Variants in RAI2 observed in about 807,000 individuals in gnomAD.
RAI2 encodes the protein retinoic acid-induced protein 2.
RAI2 carries 5 observed loss-of-function variants against 15.3 expected under a neutral mutation model. The ratio of observed to expected loss-of-function variants is 0.33; its 90% CI spans 0.17 to 0.69. RAI2 has a LOEUF of 0.69. Ranked by LOEUF, RAI2 falls within the 30% of genes least tolerant of loss-of-function variation. The pLI, the probability that RAI2 is intolerant of heterozygous loss-of-function variation, is 0.69. For missense variants in RAI2, 424 were observed against 424.7 expected (o/e 1.00, Z 0.01); for synonymous variants, 191 against 184.0 (o/e 1.04, Z -0.31).
chrX:17,800,532 G>C lies in RAI2; in HGVS notation c.1479C>G (p.Pro493=). Residue 493 remains proline (P), a synonymous_variant, in exon 2 of 2, where the codon CCC becomes CCG. Coordinates refer to ENST00000451717, the MANE Select transcript of RAI2 (RefSeq NM_021785.6). ...TCCGGTTTTTGATGGGTTTCCTAAG[G>C]GGCTCTGCATTTCCCATGGACTCTT... ...QGEESMGNAE[P]LRKPIKNRSI... is the part of the protein sequence containing the mutation. 8.3e-7 allele frequency: 1 copy of C among 1,210,902 alleles called. No homozygotes were observed. Among genetic ancestry groups the C allele is most frequent in the Non-Finnish European group, 1.1e-6 (1 of 894,906 alleles).
At chrX:17,848,101 G>GT (rs1349524946) in intron 1 of RAI2, among the ~76,000 whole-genome samples, 1 of 111,710 alleles carries the variant, frequency 9.0e-6, no homozygotes, top group Admixed American at 9.5e-5. Context: ...AAACTTGTGT[G>GT]TTAGCACTTT....
At chrX:17,807,943 C>T (rs992967342) in intron 1 of RAI2, among the ~76,000 whole-genome samples, 10 of 111,951 alleles carry the variant, frequency 8.9e-5, no homozygotes, top group Admixed American at 1.9e-4. Context: ...AGCATGGAGA[C>T]GGCTATCAAT....
chrX:17,831,143 C>T (rs1255810208), intron 1 of RAI2, among the ~76,000 whole-genome samples: 1 of 111,788 alleles, frequency 8.9e-6, no homozygotes, highest in Non-Finnish European at 1.9e-5. Flanking sequence ...GTCTCTGATA[C>T]TGGAATAAAT....
In RAI2 at chrX:17,818,504, A is replaced by ATG. The variant is rs750034100; in HGVS notation, c.-24-16472_-24-16471dup. ...CTCAAGAGCACCAGGAATGCTAGAA[A>ATG]TGTGTGTTTTTTTTTTAAGTGGTGA... On this transcript the variant is annotated intron_variant, in intron 1 of 1. Coordinates refer to ENST00000451717, the MANE Select transcript of RAI2 (RefSeq NM_021785.6). Among the ~76,000 whole-genome samples the ATG allele has an allele frequency of 0.02, 385 of 19,712 alleles. 8 individuals carry two copies. In the East Asian group the frequency reaches 0.25, roughly 13 times the overall value. The allele number at this position is 19,712 out of a possible 115,157, so 17.1% of individuals were successfully genotyped here.
chrX:17,824,469 C>G (rs2067204688), intron 1 of RAI2, among the ~76,000 whole-genome samples: 1 of 111,853 alleles, frequency 8.9e-6, no homozygotes, highest in Non-Finnish European at 1.9e-5. Flanking sequence ...AGTGCAGACT[C>G]CAGAATTCAG....
At position 17,854,616 on chromosome X, in the gene RAI2, G is replaced by C. The variant is rs1338227891; in HGVS notation, c.-25+6482C>G. On this transcript the variant is annotated intron_variant, in intron 1 of 1. Coordinates refer to ENST00000451717, the MANE Select transcript of RAI2 (RefSeq NM_021785.6). ...GGGAAAAGTGGCCATACACACAAAGGCAAAAATAACAACAACAATAAAAAC... is the reference window on the plus strand; with the variant it reads ...GGGAAAAGTGGCCATACACACAAAGCCAAAAATAACAACAACAATAAAAAC... Among the ~76,000 whole-genome samples the C allele has an allele frequency of 4.5e-5, 5 of 111,632 alleles. No homozygotes were observed. In the East Asian group the frequency reaches 1.4e-3, roughly 32 times the overall value.
chrX:17,830,225 C>A (rs1197776606), intron 1 of RAI2, among the ~76,000 whole-genome samples: 1 of 112,485 alleles, frequency 8.9e-6, no homozygotes, highest in Non-Finnish European at 1.9e-5. Context: ...AAGTGGCTTG[C>A]ACACAGTAGG....
intron 1 of RAI2, among the ~76,000 whole-genome samples, chrX:17,811,389 T>C (rs1012473603): frequency 1.8e-5 from 2 of 112,102 alleles, no homozygotes; most frequent in African/African-American, 6.5e-5. Flanking sequence ...ATGCAGGAGC[T>C]CAGGTCACGT....
chrX:17,801,082 A>T lies in RAI2; in HGVS notation c.929T>A (p.Met310Lys). The T allele has an allele frequency of 8.3e-7, 1 of 1,211,524 alleles. No homozygotes were observed. The highest frequency in any genetic ancestry group is 1.1e-6 in the Non-Finnish European group (1 of 895,450). Reference protein sequence around the residue: ...FQLSRHTVIKMGSENEALDLS... With the variant: ...FQLSRHTVIKKGSENEALDLS... The stretch of plus-strand genomic sequence containing the variant: ...ATCCAGGGCCTCGTTCTCACTTCCC[A>T]TCTTAATGACCGTGTGGCGGCTGAG... Residue 310 changes from methionine to lysine, a missense_variant, in exon 2 of 2, where the codon ATG becomes AAG. By Grantham distance (95) the Met-to-Lys change is moderately conservative. Coordinates refer to ENST00000451717, the MANE Select transcript of RAI2 (RefSeq NM_021785.6).
At chrX:17,828,449 C>T (rs1375149643) in intron 1 of RAI2, among the ~76,000 whole-genome samples, 3 of 112,001 alleles carry the variant, frequency 2.7e-5, no homozygotes, top group Non-Finnish European at 5.6e-5. Flanking sequence ...CTTCTTAATG[C>T]TCTTGGCTTG....
At chrX:17,844,360 G>T (rs991112146) in intron 1 of RAI2, among the ~76,000 whole-genome samples, 7 of 112,471 alleles carry the variant, frequency 6.2e-5, no homozygotes, top group Non-Finnish European at 1.3e-4. Context: ...CCATTATATT[G>T]TCCTATTCTT....
At chrX:17,830,139 G>C (rs2067266972) in intron 1 of RAI2, among the ~76,000 whole-genome samples, 1 of 112,489 alleles carries the variant, frequency 8.9e-6, no homozygotes, top group Non-Finnish European at 1.9e-5. Context: ...ACTGAGGTTA[G>C]ACCAAAGGAA....
intron 1 of RAI2, among the ~76,000 whole-genome samples, chrX:17,839,408 G>A (rs1471283437): frequency 8.9e-6 from 1 of 112,458 alleles, no homozygotes; most frequent in Non-Finnish European, 1.9e-5. Flanking sequence ...GGGGAATGCA[G>A]AGAAACCAGC....
At chrX:17,860,552 G>C (rs1054771445) in intron 1 of RAI2, 1 of 112,845 alleles carries the variant, frequency 8.9e-6, no homozygotes, top group African/African-American at 3.2e-5. Context: ...GTCACAAAGA[G>C]GAGCCCGGCG....
At chrX:17,822,514 G>A (rs2067178527) in intron 1 of RAI2, among the ~76,000 whole-genome samples, 1 of 112,136 alleles carries the variant, frequency 8.9e-6, no homozygotes, top group Admixed American at 9.4e-5. Flanking sequence ...CCCATGTGCT[G>A]TTTCCATCTT....
intron 1 of RAI2, among the ~76,000 whole-genome samples, chrX:17,830,536 C>T (rs780854882): frequency 1.9e-5 from 2 of 107,278 alleles, no homozygotes; most frequent in Non-Finnish European, 1.9e-5. Flanking sequence ...TTAAAGATGG[C>T]CTGGAGCACA....
At chrX:17,827,972 C>T (rs1245485529) in intron 1 of RAI2, among the ~76,000 whole-genome samples, 1 of 110,736 alleles carries the variant, frequency 9.0e-6, no homozygotes, top group Non-Finnish European at 1.9e-5. Flanking sequence ...TGGTACAATT[C>T]TGTCCCTGTT....
chrX:17,856,202 T>C (rs2147288356), intron 1 of RAI2, among the ~76,000 whole-genome samples: 1 of 112,331 alleles, frequency 8.9e-6, no homozygotes, highest in Non-Finnish European at 1.9e-5. Context: ...AGCCCAGCCC[T>C]ATGTCTCAGT....
chrX:17,836,568 T>C (rs2147259280), intron 1 of RAI2, among the ~76,000 whole-genome samples: 1 of 112,125 alleles, frequency 8.9e-6, no homozygotes, highest in African/African-American at 3.2e-5. Context: ...AAAAAAATTC[T>C]AAGTTGAACA....
Sources: gnomAD v4.1 joint callset for allele counts (sites outside exome capture counted in the v4.1 genomes callset) on GRCh38, gnomAD v4.1.1 for gene constraint, MANE v1.5 for transcripts, NCBI Gene and HGNC (gene_info 2026-07-23, HGNC 2026-07-21) for gene names.